The following MAD1L1 variants were observed in gnomAD, a reference collection of about 807,000 sequenced individuals.
MAD1L1 encodes the protein mitotic arrest deficient 1 like 1, also known as mitotic spindle assembly checkpoint protein MAD1.
A neutral mutation model predicts 96.9 loss-of-function variants in MAD1L1; 95 were observed. The observed-to-expected ratio is 0.98, with a 90% CI of 0.83 to 1.16. MAD1L1 has a LOEUF of 1.16. Ranked by LOEUF, MAD1L1 falls within the 50% of genes most tolerant of loss-of-function variation. The pLI is 0.00. For synonymous variants in MAD1L1, 473 were observed against 396.6 expected, an observed-to-expected ratio of 1.19 and a Z score of -2.29; for missense variants, 1,007 against 954.4, an observed-to-expected ratio of 1.06 and a Z score of -0.73.
intron 17 of MAD1L1, among the ~76,000 whole-genome samples, chr7:1,920,371 G>A (rs1244888561): frequency 6.6e-6 from 1 of 152,252 alleles, no homozygotes; most frequent in Non-Finnish European, 1.5e-5. Flanking sequence ...TGTGGGAGGA[G>A]CAGGGGCAGA....
chr7:1,897,726 G>C (rs1003590560), intron 18 of MAD1L1, among the ~76,000 whole-genome samples: 8 of 152,154 alleles, frequency 5.3e-5, no homozygotes, highest in African/African-American at 1.9e-4. Flanking sequence ...GATGCGGCTG[G>C]CTCTCCTTTC....
chr7:1,891,737 C>T (rs1786553724), intron 18 of MAD1L1, among the ~76,000 whole-genome samples: 2 of 152,044 alleles, frequency 1.3e-5, no homozygotes, highest in Non-Finnish European at 2.9e-5. Flanking sequence ...GGCGCCACCA[C>T]GCCTGGCTAA....
At chr7:1,898,135 C>T (rs535050905) in intron 18 of MAD1L1, 65 bp downstream of exon 18, 221 of 1,494,310 alleles carry the variant, frequency 1.5e-4, no homozygotes, top group East Asian at 5.9e-4. Context: ...GGGCTACGGT[C>T]GGATCTCCCC....
At chr7:1,847,979 C>A in intron 18 of MAD1L1, 2 of 350,532 alleles carry the variant, frequency 5.7e-6, no homozygotes, top group Non-Finnish European at 1.1e-5. Flanking sequence ...GTCTCAGCCC[C>A]TGACCACACT....
chr7:2,054,996 GACTCAGGGACGACGGCAGGGCCCGA>G (rs925687667), intron 12 of MAD1L1, among the ~76,000 whole-genome samples: 8 of 152,198 alleles, frequency 5.3e-5, no homozygotes, highest in Non-Finnish European at 1.2e-4. Flanking sequence ...GTGGGGCCGG[GACTCAGGGACGACGGCAGGGCCCGA>G]ACTCCATCTG....
chr7:2,002,902 C>G (rs1396358091), intron 13 of MAD1L1, among the ~76,000 whole-genome samples: 2 of 152,252 alleles, frequency 1.3e-5, no homozygotes, highest in Non-Finnish European at 2.9e-5. Flanking sequence ...TACCTTCCCC[C>G]ACATCCTCTC....
chr7:1,847,575 T>C (rs1238349629), intron 18 of MAD1L1: 1 of 471,020 alleles, frequency 2.1e-6, no homozygotes, highest in Non-Finnish European at 4.4e-6. Flanking sequence ...CTTCGGCCCA[T>C]GTTCTGAAAC....
chr7:2,016,915 C>T (rs934616785), intron 12 of MAD1L1, among the ~76,000 whole-genome samples: 4 of 152,262 alleles, frequency 2.6e-5, no homozygotes, highest in African/African-American at 7.2e-5. Flanking sequence ...AGCCAGTTAC[C>T]GGAGTTGTCA....
At chr7:2,156,746 G>A (rs1017928914) in intron 10 of MAD1L1, among the ~76,000 whole-genome samples, 8 of 151,472 alleles carry the variant, frequency 5.3e-5, no homozygotes, top group Non-Finnish European at 1.0e-4. Flanking sequence ...GCTTGAACCC[G>A]GGAGGTGGAG....
chr7:1,882,123 G>A (rs769866349), intron 18 of MAD1L1, among the ~76,000 whole-genome samples: 21 of 152,314 alleles, frequency 1.4e-4, no homozygotes, highest in Non-Finnish European at 1.9e-4. Flanking sequence ...TGGGGCCAGG[G>A]CACGAGATGA....
At chr7:1,842,395 G>A (rs1178889293) in intron 18 of MAD1L1, among the ~76,000 whole-genome samples, 1 of 152,244 alleles carries the variant, frequency 6.6e-6, no homozygotes. Flanking sequence ...CAGGAGCCCG[G>A]CCTCAGCCGT....
chr7:2,110,289 C>T (rs981813962), intron 11 of MAD1L1, among the ~76,000 whole-genome samples: 1 of 152,196 alleles, frequency 6.6e-6, no homozygotes, highest in Non-Finnish European at 1.5e-5. Flanking sequence ...CGCTCACAGC[C>T]GTGCCGCCAT....
At chr7:2,020,274 G>A (rs571345910) in intron 12 of MAD1L1, among the ~76,000 whole-genome samples, 7 of 152,196 alleles carry the variant, frequency 4.6e-5, no homozygotes, top group South Asian at 2.1e-4. Context: ...ACTAACCCCC[G>A]CTCTGGGCTG....
In MAD1L1 at chr7:1,936,681, G is replaced by A. The variant is rs1482400327; in HGVS notation, c.1807+6C>T. 3.9e-6 allele frequency: 6 copies of A among 1,547,678 alleles called. No individual in the cohort carries two copies. Among genetic ancestry groups the A allele is most frequent in the Non-Finnish European group, 5.2e-6 (6 of 1,147,516 alleles). The stretch of plus-strand genomic sequence containing the variant: ...ATGGCAGGGACCGGGGGTGGGGGGT[G>A]CCTACCTGCCACCTCCTTGGACGAT... On this transcript the variant is annotated splice_donor_region_variant and intron_variant, in intron 17 of 18. Coordinates refer to ENST00000265854, the MANE Select transcript of MAD1L1 (RefSeq NM_001013836.2).
At chr7:1,828,299 C>T (rs1179535041) in intron 18 of MAD1L1, among the ~76,000 whole-genome samples, 4 of 152,192 alleles carry the variant, frequency 2.6e-5, no homozygotes, top group African/African-American at 9.7e-5. Flanking sequence ...CAGTCACAGC[C>T]CAGGCAGGGC....
At position 2,114,566 on chromosome 7, in the gene MAD1L1, A is replaced by AT. The variant is rs924618758; in HGVS notation, c.1073+34585dup. 1.3e-5 allele frequency among the ~76,000 whole-genome samples: 2 copies of AT among 152,276 alleles called. No individual in the cohort carries two copies. The highest frequency in any genetic ancestry group is 4.8e-5 in the African/African-American group (2 of 41,474). On this transcript the variant is annotated intron_variant, in intron 11 of 18. Transcript: ENST00000265854. This position sits in a 1 kb window ranked among gnomAD's most constrained non-coding sequence, Gnocchi z 4.2. ...GACGTCACGTGGCAGAAGGATCTTC[A>AT]TGAAGATGAGCATGGCTACGACTTG...
intron 7 of MAD1L1, among the ~76,000 whole-genome samples, chr7:2,217,386 C>G (rs1318863658): frequency 1.3e-5 from 2 of 152,200 alleles, no homozygotes; most frequent in Non-Finnish European, 2.9e-5. Flanking sequence ...CAGGAGCGGA[C>G]ATGGCAGAGG....
chr7:2,059,548 A>C (rs1180023393), intron 12 of MAD1L1, among the ~76,000 whole-genome samples: 1 of 133,782 alleles, frequency 7.5e-6, no homozygotes, highest in East Asian at 2.3e-4. Flanking sequence ...AGGAGAGGCA[A>C]GGGGCTGGCG....
At chr7:1,970,635 A>G (rs1413509269) in intron 15 of MAD1L1, among the ~76,000 whole-genome samples, 1 of 152,188 alleles carries the variant, frequency 6.6e-6, no homozygotes, top group Admixed American at 6.5e-5. Context: ...TGCCCAGCCT[A>G]TTATATAATT....
Sources: allele counts gnomAD v4.1 joint callset (sites outside exome capture counted in the v4.1 genomes callset), GRCh38; gene constraint gnomAD v4.1.1; non-coding constraint Gnocchi (gnomAD v3.1); transcripts MANE v1.5; gene names NCBI Gene and HGNC (gene_info 2026-07-23, HGNC 2026-07-21).